The following COL25A1 variants were observed in gnomAD, a reference collection of about 807,000 sequenced individuals.
The protein encoded by COL25A1 is collagen alpha-1(XXV) chain.
COL25A1 carries 103 observed loss-of-function variants against 128.4 expected under a neutral mutation model. The observed-to-expected ratio is 0.80, with a 90% CI of 0.68 to 0.94. COL25A1 has a LOEUF of 0.94. COL25A1 is among the 40% of genes least tolerant of loss of function. The pLI, the probability that COL25A1 is intolerant of heterozygous loss-of-function variation, is 0.00. For synonymous variants in COL25A1, 279 were observed against 277.2 expected (o/e 1.01, Z -0.06); for missense variants, 745 against 840.0 (o/e 0.89, Z 1.40).
intron 30 of COL25A1, among the ~76,000 whole-genome samples, chr4:108,843,581 G>A (rs1302217190): frequency 6.6e-6 from 1 of 152,124 alleles, no homozygotes; most frequent in Non-Finnish European, 1.5e-5. Context: ...TGAGGGCAGG[G>A]CCACTGTCAC....
At chr4:108,889,777 T>G (rs753163336) in intron 16 of COL25A1, 44 bp from the exon 17 acceptor site, 2 of 1,573,260 alleles carry the variant, frequency 1.3e-6, no homozygotes, top group East Asian at 2.2e-5. Flanking sequence ...GTTATGGGAA[T>G]AGGAAACATC....
intron 11 of COL25A1, among the ~76,000 whole-genome samples, chr4:108,933,537 A>G (rs1399318922): frequency 6.6e-6 from 1 of 152,318 alleles, no homozygotes; most frequent in East Asian, 1.9e-4. Flanking sequence ...ACATGTTGTA[A>G]TTTAATTGGT....
chr4:108,934,680 T>C (rs1400868703), intron 11 of COL25A1, among the ~76,000 whole-genome samples: 6 of 152,160 alleles, frequency 3.9e-5, no homozygotes, highest in East Asian at 1.9e-4. Context: ...ACATAAAATA[T>C]AGAAATTCAG....
At chr4:108,975,480 T>C (rs1398427749) in intron 6 of COL25A1, among the ~76,000 whole-genome samples, 1 of 152,204 alleles carries the variant, frequency 6.6e-6, no homozygotes, top group Non-Finnish European at 1.5e-5. Flanking sequence ...AACATAGTAA[T>C]TCATGTCTTT....
rs373620326 is a variant in COL25A1 at position 109,194,524 on chromosome 4, C to T, written c.367+106059G>A. 3.9e-5 allele frequency among the ~76,000 whole-genome samples: 6 copies of T among 152,166 alleles called. No homozygotes were observed. In the East Asian group the frequency reaches 7.7e-4, roughly 20 times the overall value. On this transcript the variant is annotated intron_variant, in intron 3 of 37. Transcript: ENST00000399132. ...CCTGATGAATAAAGCAGATGTCATC[C>T]TTACCCCATGGAGTATATAGAAGGA... is the stretch of plus-strand genomic sequence containing the variant.
At chr4:109,135,873 A>G (rs1444201378) in intron 3 of COL25A1, among the ~76,000 whole-genome samples, 1 of 152,246 alleles carries the variant, frequency 6.6e-6, no homozygotes, top group Admixed American at 6.5e-5. Flanking sequence ...ATCCATATAT[A>G]GAGAACATAA....
chr4:109,039,928 G>C (rs1270513191), intron 5 of COL25A1, among the ~76,000 whole-genome samples: 2 of 152,092 alleles, frequency 1.3e-5, no homozygotes, highest in East Asian at 3.9e-4. Context: ...GTAAGAACTA[G>C]AGATATGTGT....
intron 3 of COL25A1, among the ~76,000 whole-genome samples, chr4:109,294,647 C>T (rs1157786089): frequency 3.3e-5 from 5 of 152,086 alleles, no homozygotes; most frequent in Non-Finnish European, 5.9e-5. Flanking sequence ...AGGCTATAGC[C>T]GCAGCCCGGA....
At chr4:108,947,081 A>G (rs1235688633) in intron 8 of COL25A1, among the ~76,000 whole-genome samples, 1 of 152,154 alleles carries the variant, frequency 6.6e-6, no homozygotes, top group Non-Finnish European at 1.5e-5. Context: ...GAATTCAGCT[A>G]TAGATTCACT....
chr4:109,004,577 G>A (rs1181210130), intron 6 of COL25A1, among the ~76,000 whole-genome samples: 1 of 152,112 alleles, frequency 6.6e-6, no homozygotes, highest in African/African-American at 2.4e-5. Context: ...GATCATGGGG[G>A]TGGATTTCTC....
chr4:109,028,658 G>A (rs1394686246), intron 5 of COL25A1, among the ~76,000 whole-genome samples: 1 of 152,026 alleles, frequency 6.6e-6, no homozygotes, highest in Non-Finnish European at 1.5e-5. Context: ...CCCAGGAGGC[G>A]GAGGTTGCAG....
chr4:108,854,791 G>C (rs188085578), intron 24 of COL25A1, among the ~76,000 whole-genome samples: 1 of 152,156 alleles, frequency 6.6e-6, no homozygotes, highest in Non-Finnish European at 1.5e-5. Context: ...AACCATTGTG[G>C]AAGACAGTGT....
intron 3 of COL25A1, among the ~76,000 whole-genome samples, chr4:109,240,943 AT>A (rs917830938): frequency 5.3e-5 from 8 of 151,648 alleles, no homozygotes; most frequent in Non-Finnish European, 7.4e-5. Context: ...GTACAAAATA[AT>A]TTTTTGAGGG....
At chr4:109,256,227 T>C (rs1468568930) in intron 3 of COL25A1, among the ~76,000 whole-genome samples, 1 of 152,074 alleles carries the variant, frequency 6.6e-6, no homozygotes, top group Non-Finnish European at 1.5e-5. Flanking sequence ...TTAAACTTGA[T>C]CAATAGTTAA....
chr4:108,864,706 AGTCGT>A (rs1560770703), intron 20 of COL25A1, among the ~76,000 whole-genome samples: 1 of 152,176 alleles, frequency 6.6e-6, no homozygotes, highest in Non-Finnish European at 1.5e-5. Context: ...GTGAGACTTG[AGTCGT>A]GTCCTGAAGG....
At chr4:109,061,997 A>G (rs1241011697) in intron 3 of COL25A1, among the ~76,000 whole-genome samples, 1 of 152,204 alleles carries the variant, frequency 6.6e-6, no homozygotes, top group Non-Finnish European at 1.5e-5. Flanking sequence ...ATAGGAACTA[A>G]CACAGAATTT....
intron 8 of COL25A1, among the ~76,000 whole-genome samples, chr4:108,971,152 A>G (rs1441990069): frequency 6.6e-6 from 1 of 151,990 alleles, no homozygotes; most frequent in Non-Finnish European, 1.5e-5. Context: ...CTTTTCTAGC[A>G]CCTCTTGGTA....
chr4:109,252,811 G>T (rs1780754938), intron 3 of COL25A1, among the ~76,000 whole-genome samples: 1 of 152,126 alleles, frequency 6.6e-6, no homozygotes, highest in Non-Finnish European at 1.5e-5. Context: ...GACCTTCAGG[G>T]GTATCCCAGA....
At chr4:108,979,416 T>G (rs1020845530) in intron 6 of COL25A1, among the ~76,000 whole-genome samples, 3 of 152,186 alleles carry the variant, frequency 2.0e-5, no homozygotes, top group Admixed American at 6.5e-5. Context: ...AAAAGAGAGA[T>G]ATATTCATAG....
Sources: allele counts gnomAD v4.1 joint callset (sites outside exome capture counted in the v4.1 genomes callset), GRCh38; gene constraint gnomAD v4.1.1; transcripts MANE v1.5; gene names NCBI Gene and HGNC (gene_info 2026-07-23, HGNC 2026-07-21).